The following CDH13 variants were observed in gnomAD, a reference collection of about 807,000 sequenced individuals.
CDH13 encodes cadherin 13.
A neutral mutation model predicts 63.8 loss-of-function variants in CDH13; 24 were observed. The ratio of observed to expected loss-of-function variants is 0.38; its 90% CI spans 0.27 to 0.53. The LOEUF (loss-of-function observed/expected upper bound fraction) is 0.53, where lower values mean the gene tolerates loss of function less well. CDH13 is among the 20% of genes least tolerant of loss of function. CDH13 has a pLI of 0.85. For synonymous variants in CDH13, 503 were observed against 355.3 expected (o/e 1.42, Z -4.67); for missense variants, 1,049 against 903.1 (o/e 1.16, Z -2.07).
intron 10 of CDH13, among the ~76,000 whole-genome samples, chr16:83,718,638 G>C (rs939814555): frequency 2.0e-5 from 3 of 152,032 alleles, no homozygotes; most frequent in Non-Finnish European, 4.4e-5. Context: ...GTATGTTAAC[G>C]AGCATATATT....
At chr16:83,481,216 G>A (rs1407710430) in intron 6 of CDH13, among the ~76,000 whole-genome samples, 1 of 152,164 alleles carries the variant, frequency 6.6e-6, no homozygotes, top group Non-Finnish European at 1.5e-5. Context: ...CAGAAATCCA[G>A]TGCTGAATAT....
intron 4 of CDH13, among the ~76,000 whole-genome samples, chr16:83,196,660 G>A (rs4445889): frequency 0.51 from 78,138 of 152,014 alleles, 22,809 homozygotes; most frequent in East Asian, 0.77. Context: ...AAGGGGATAT[G>A]AGGATAGCAA....
chr16:83,129,382 C>T (rs2035950023), intron 4 of CDH13, among the ~76,000 whole-genome samples: 1 of 152,072 alleles, frequency 6.6e-6, no homozygotes, highest in Non-Finnish European at 1.5e-5. Flanking sequence ...GACCGCAAGA[C>T]AAGAATTCAA....
At chr16:82,861,645 A>G (rs186112136) in intron 2 of CDH13, among the ~76,000 whole-genome samples, 6 of 151,668 alleles carry the variant, frequency 4.0e-5, no homozygotes, top group African/African-American at 1.2e-4. Context: ...CACTCCTTTT[A>G]TTTCCCTAAT....
intron 6 of CDH13, among the ~76,000 whole-genome samples, chr16:83,465,137 A>G (rs1238869406): frequency 6.6e-6 from 1 of 152,248 alleles, no homozygotes; most frequent in Non-Finnish European, 1.5e-5. Flanking sequence ...TTCATTAATC[A>G]ACGAGCTAAA....
chr16:83,723,406 T>A (rs1039083792), intron 10 of CDH13, among the ~76,000 whole-genome samples: 2 of 152,236 alleles, frequency 1.3e-5, no homozygotes, highest in African/African-American at 4.8e-5. Context: ...CGCCTCTGCT[T>A]GGCCCTCTGT....
chr16:82,674,235 C>T (rs1402224154), intron 1 of CDH13, among the ~76,000 whole-genome samples: 15 of 152,188 alleles, frequency 9.9e-5, no homozygotes, highest in Non-Finnish European at 5.9e-5. Flanking sequence ...CTATGGAAGT[C>T]ACCATCTGGA....
intron 3 of CDH13, among the ~76,000 whole-genome samples, chr16:83,080,016 T>C (rs1342022984): frequency 1.3e-5 from 2 of 152,228 alleles, no homozygotes; most frequent in East Asian, 1.9e-4. Flanking sequence ...AAATGACATA[T>C]CTGTCTCATC....
rs188235911 is a variant in CDH13 at position 83,566,362 on chromosome 16, A to G, written c.961-36092A>G. On this transcript the variant is annotated intron_variant, in intron 7 of 13. Transcript: ENST00000567109. ...ACATGGGGCAGGGGTGGCCTGCTGG[A>G]ATGGGAGTTCCAGCTTCTTTCTCAA... 3.1e-3 allele frequency among the ~76,000 whole-genome samples: 473 copies of G among 152,316 alleles called. 2 individuals carry two copies. Among genetic ancestry groups the G allele is most frequent in the African/African-American group, 0.011 (452 of 41,564 alleles).
intron 2 of CDH13, among the ~76,000 whole-genome samples, chr16:82,931,610 T>C (rs1011070279): frequency 5.9e-5 from 9 of 152,070 alleles, no homozygotes; most frequent in African/African-American, 2.2e-4. Flanking sequence ...ACTGGGTAAT[T>C]TATAAAGAAA....
chr16:82,667,993 G>T lies in CDH13; in HGVS notation c.45+40856G>T, dbSNP rs1429924273. On this transcript the variant is annotated intron_variant, in intron 1 of 13. Transcript: ENST00000567109. The stretch of plus-strand genomic sequence containing the variant: ...GTTCTCGTCTCTACTTGAATGTTAC[G>T]CATCTATCGCGACACCATTACCAGG... Among the ~76,000 whole-genome samples the T allele has an allele frequency of 3.9e-5, 6 of 152,102 alleles. 1 individual carries two copies. Among genetic ancestry groups the T allele is most frequent in the Non-Finnish European group, 8.8e-5 (6 of 68,016 alleles).
intron 4 of CDH13, among the ~76,000 whole-genome samples, chr16:83,144,942 C>T (rs1006027841): frequency 6.6e-6 from 1 of 152,216 alleles, no homozygotes; most frequent in Non-Finnish European, 1.5e-5. Context: ...CTCTGGAGAA[C>T]AGCAAAAGGA....
rs550776167 is a variant in CDH13, at chr16:83,706,227, T to C, written c.1538+27766T>C. On this transcript the variant is annotated intron_variant, in intron 10 of 13. Coordinates refer to ENST00000567109, the MANE Select transcript of CDH13 (RefSeq NM_001257.5). ...ACGAGGCCTGGGCTCTCTCACAACATGGCGGCCAGGTTCCAAAGGTGAGCA... is the reference window on the plus strand; with the variant it reads ...ACGAGGCCTGGGCTCTCTCACAACACGGCGGCCAGGTTCCAAAGGTGAGCA... Among the ~76,000 whole-genome samples the C allele has an allele frequency of 7.9e-5, 12 of 152,300 alleles. No homozygotes were observed. In the East Asian group the frequency reaches 1.9e-3, roughly 25 times the overall value.
intron 1 of CDH13, among the ~76,000 whole-genome samples, chr16:82,698,592 A>G (rs78331428): frequency 0.029 from 4,456 of 152,194 alleles, 93 homozygotes; most frequent in Middle Eastern, 0.051. Context: ...TTTTTAGAGC[A>G]TTGGAGGAGG....
intron 1 of CDH13, among the ~76,000 whole-genome samples, chr16:82,807,152 T>A (rs768796088): frequency 3.9e-5 from 6 of 151,928 alleles, no homozygotes; most frequent in Non-Finnish European, 7.4e-5. Context: ...CATTGCCAGA[T>A]TTATCCACAC....
At position 83,659,717 on chromosome 16, in the gene CDH13, A is replaced by C. The variant is rs188459700; in HGVS notation, c.1102-11073A>C. On this transcript the variant is annotated intron_variant, in intron 8 of 13. Transcript: ENST00000567109. ...TGATACCCTTTTCTCAGATAAGTGA[A>C]CTGGGACTCAGAGATCTTGCAGAAT... 3.4e-3 allele frequency among the ~76,000 whole-genome samples: 523 copies of C among 152,036 alleles called. 4 individuals are homozygous for C. Among genetic ancestry groups the C allele is most frequent in the Non-Finnish European group, 4.6e-3 (313 of 68,008 alleles).
chr16:82,652,211 A>G (rs1052509632), intron 1 of CDH13, among the ~76,000 whole-genome samples: 1 of 152,160 alleles, frequency 6.6e-6, no homozygotes, highest in Non-Finnish European at 1.5e-5. Context: ...TGTGCTTCAG[A>G]AAATCATTAT....
intron 8 of CDH13, among the ~76,000 whole-genome samples, chr16:83,659,893 TCTC>T (rs1913283236): frequency 6.6e-6 from 1 of 151,252 alleles, no homozygotes; most frequent in Admixed American, 6.6e-5. Context: ...TTCAAGCAAT[TCTC>T]CTGTCTCAGC....
At chr16:83,264,749 G>GT (rs139277239) in intron 5 of CDH13, among the ~76,000 whole-genome samples, 158 of 146,358 alleles carry the variant, frequency 1.1e-3, no homozygotes, top group Middle Eastern at 0.01. Context: ...CCTTTGGCTG[G>GT]TTTTTTTTTT....
Sources: allele counts gnomAD v4.1 joint callset (sites outside exome capture counted in the v4.1 genomes callset), GRCh38; gene constraint gnomAD v4.1.1; transcripts MANE v1.5; gene names NCBI Gene and HGNC (gene_info 2026-07-23, HGNC 2026-07-21).